The following REXO1 variants were observed in gnomAD, a reference collection of about 807,000 sequenced individuals.
REXO1 encodes the protein REX1, RNA exonuclease 1 homolog.
Under a neutral mutation model 102.6 loss-of-function variants are expected in REXO1, and 42 were observed. The ratio of observed to expected loss-of-function variants is 0.41; its 90% confidence interval spans 0.32 to 0.53. The LOEUF (loss-of-function observed/expected upper bound fraction) is 0.53. Among genes scored for constraint, REXO1 ranks in the 20% least tolerant of loss-of-function variants. The pLI is 0.27. For synonymous variants in REXO1, 908 were observed against 779.1 expected (o/e 1.17, Z -2.76); for missense variants, 1,819 against 1,732.5 (o/e 1.05, Z -0.89).
At position 1,816,335 on chromosome 19, in the gene REXO1, C is replaced by G. The variant is rs1480743707; in HGVS notation, c.3467G>C (p.Ser1156Thr). The change falls in exon 15 of 16, where the codon AGC (serine) becomes ACC (threonine). Residue 1156 changes from serine to threonine, a missense_variant. By Grantham distance (58) the Ser-to-Thr change is moderately conservative. Coordinates refer to ENST00000170168, the MANE Select transcript of REXO1 (RefSeq NM_020695.4). The stretch of plus-strand genomic sequence containing the variant: ...GAGCACAGACGTGTCCACCACGGTG[C>G]TGTGGATGACCTGTGGGCAGCGGCA... Reference protein sequence around the residue: ...SDLLALKVIHSTVVDTSVLFP... With the variant: ...SDLLALKVIHTTVVDTSVLFP... The G allele has an allele frequency of 6.3e-7, 1 of 1,591,178 alleles. No homozygotes were observed. The highest frequency in any genetic ancestry group is 1.1e-5 in the South Asian group (1 of 88,754).
rs2069413812 is a variant in REXO1, at chr19:1,817,775, C to T, written c.3022G>A (p.Gly1008Arg). 5 of 1,611,688 alleles carry T rather than the reference C, an allele frequency of 3.1e-6. No individual in the cohort carries two copies. Among genetic ancestry groups the T allele is most frequent in the South Asian group, 2.2e-5 (2 of 90,882 alleles). The change falls in exon 11 of 16, where the codon GGA (glycine) becomes AGA (arginine). Residue 1008 changes from glycine to arginine, a missense_variant. Coordinates refer to ENST00000170168, the MANE Select transcript of REXO1 (RefSeq NM_020695.4). ...CACATGTACTGGGTCTCCCAGCCTC[C>T]GGCCACTGCAGGGGACACAGACACA... The part of the protein sequence containing the change: ...WGRLRRNRVA[G>R]GWETQYMCCS...
At chr19:1,843,144 G>A (rs916672794) in intron 1 of REXO1, among the ~76,000 whole-genome samples, 4 of 152,044 alleles carry the variant, frequency 2.6e-5, no homozygotes, top group Middle Eastern at 3.4e-3. Context: ...CCCCCCGCCC[G>A]GAGGGTCCCA....
In REXO1 at chr19:1,827,687, C is replaced by T; in HGVS notation, c.1102G>A (p.Gly368Arg). ...SPAQVQSSQD[G>R]GCPKEGKPKK... Reference sequence around the variant, plus strand: ...GGTTTTCCCTCCTTGGGGCAGCCCCCATCCTGTGAGGACTGGACCTGGGCT... The same window carrying T: ...GGTTTTCCCTCCTTGGGGCAGCCCCTATCCTGTGAGGACTGGACCTGGGCT... Residue 368 changes from glycine to arginine, a missense_variant, in exon 2 of 16, where the codon GGG becomes AGG. Transcript: ENST00000170168. The T allele has an allele frequency of 6.4e-7, 1 of 1,567,250 alleles. No individual in the cohort carries two copies. The highest frequency in any genetic ancestry group is 8.5e-7 in the Non-Finnish European group (1 of 1,170,836).
At chr19:1,821,400 G>C (rs2069535175) in intron 5 of REXO1, 119 bp downstream of exon 5, 3 of 1,166,518 alleles carry the variant, frequency 2.6e-6, no homozygotes, top group Non-Finnish European at 3.8e-6. Context: ...CTGTACTGCG[G>C]TGTGGAGCAC....
rs1006517603 is a variant in REXO1 at position 1,848,439 on chromosome 19, C to T, written c.-81G>A. On this transcript the variant is annotated 5_prime_UTR_variant, in exon 1 of 16. Transcript: ENST00000170168. ...CACTGGCGCCGCGGTCGCCGCCGCC[C>T]GCGCCTCACGGACCCCGCCGCCGCC... 1.7e-4 allele frequency: 177 copies of T among 1,043,580 alleles called. No individual in the cohort carries two copies. The African/African-American group carries it at 2.3e-3, about 14-fold the overall frequency. The allele number at this position is 1,043,580 out of a possible 1,614,324, so 64.6% of individuals were successfully genotyped here. A position where few individuals can be genotyped will look rare whatever the true frequency, so the allele number is the denominator to read the frequency against.
chr19:1,817,463 T>A, intron 11 of REXO1, 134 bp from the exon 12 acceptor site: 2 of 1,484,248 alleles, frequency 1.3e-6, no homozygotes, highest in Non-Finnish European at 1.8e-6. Flanking sequence ...GGGACCCTGG[T>A]GAGCAGGTGG....
In REXO1 at chr19:1,827,038, G is replaced by A; in HGVS notation, c.1751C>T (p.Ser584Phe). 1 of 1,205,304 alleles carries A rather than the reference G, an allele frequency of 8.3e-7. No individual in the cohort carries two copies. The highest frequency in any genetic ancestry group is 1.2e-6 in the Non-Finnish European group (1 of 835,428). The allele number at this position is 1,205,304 out of a possible 1,614,324, so 74.7% of individuals were successfully genotyped here. A position where few individuals can be genotyped will look rare whatever the true frequency, so the allele number is the denominator to read the frequency against. The change falls in exon 2 of 16, where the codon TCC becomes TTC. Residue 584 changes from serine (S) to phenylalanine (F), a missense_variant. Coordinates refer to ENST00000170168, the MANE Select transcript of REXO1 (RefSeq NM_020695.4). ...PPPSPAPSSS[S>F]SSSSSTSSAG... ...GCTGGAGGTGGAGGAGGAGGAGGAGGAGGAGGAGGATGGGGCGGGGGAGGG... is the reference window on the plus strand; with the variant it reads ...GCTGGAGGTGGAGGAGGAGGAGGAGAAGGAGGAGGATGGGGCGGGGGAGGG...
At position 1,826,274 on chromosome 19, in the gene REXO1, C is replaced by T. The variant is rs971162586; in HGVS notation, c.1912-331G>A. On this transcript the variant is annotated intron_variant, in intron 2 of 15. Transcript: ENST00000170168. The surrounding 1 kb of genome is among the most constrained non-coding windows in gnomAD (Gnocchi z 4.3). ...CTGCTGCGGGCTGAGCACTTGGGCT[C>T]AGTCTGTGTGGAGTGAGCTCCCCCT... Among the ~76,000 whole-genome samples the T allele has an allele frequency of 1.3e-5, 2 of 152,062 alleles. No homozygotes were observed. The highest frequency in any genetic ancestry group is 2.9e-5 in the Non-Finnish European group (2 of 68,020).
rs528803295 is a variant in REXO1, at chr19:1,826,702, G to A, written c.1911+176C>T. Among the ~76,000 whole-genome samples, 363 of 152,150 alleles carry A rather than the reference G, an allele frequency of 2.4e-3. 2 individuals are homozygous for A. Among genetic ancestry groups the A allele is most frequent in the African/African-American group, 7.3e-3 (303 of 41,496 alleles). On this transcript the variant is annotated intron_variant, in intron 2 of 15. Transcript: ENST00000170168. This position sits in a 1 kb window ranked among gnomAD's most constrained non-coding sequence, Gnocchi z 4.3. Reference sequence around the variant, plus strand: ...GGTGAGGGGCAACAGGAGCAACAGGGCTGCCCGGGTGCTCCTGAGCTCCTG... The same window carrying A: ...GGTGAGGGGCAACAGGAGCAACAGGACTGCCCGGGTGCTCCTGAGCTCCTG...
intron 7 of REXO1, 87 bp downstream of exon 7, chr19:1,819,847 G>T: frequency 7.4e-7 from 1 of 1,344,548 alleles, no homozygotes; most frequent in Non-Finnish European, 1.0e-6. Flanking sequence ...CTGAGCTCAG[G>T]GCTGTGAAGG....
At position 1,815,884 on chromosome 19, in the gene REXO1, C is replaced by A. The variant is rs1267068181; in HGVS notation, c.*182G>T. 11 of 1,408,508 alleles carry A rather than the reference C, an allele frequency of 7.8e-6. No homozygotes were observed. Among genetic ancestry groups the A allele is most frequent in the South Asian group, 1.3e-5 (1 of 79,534 alleles). The allele number at this position is 1,408,508 out of a possible 1,614,324, so 87.3% of individuals were successfully genotyped here. A position where few individuals can be genotyped will look rare whatever the true frequency, so the allele number is the denominator to read the frequency against. ...GAGGGTGGGGACCGGCGGAGGGGTG[C>A]GGCAGGACGTGAGCGGGGGTGGGCT... is the stretch of plus-strand genomic sequence containing the variant. On this transcript the variant is annotated 3_prime_UTR_variant, in exon 16 of 16. Coordinates refer to ENST00000170168, the MANE Select transcript of REXO1 (RefSeq NM_020695.4). The surrounding 1 kb of genome is among the most constrained non-coding windows in gnomAD (Gnocchi z 4.0).
intron 1 of REXO1, among the ~76,000 whole-genome samples, chr19:1,831,865 A>G (rs1311182949): frequency 2.1e-5 from 1 of 46,846 alleles, no homozygotes; most frequent in African/African-American, 4.5e-5. Flanking sequence ...AAAAAAAAAA[A>G]AAGAAAGAAA....
rs1213306826 is a variant in REXO1, at chr19:1,827,393, G to A, written c.1396C>T (p.Arg466Ter). ...GGTGGGCCTCTGCCGGCCGCCGGTCGGGAGTCCCCGCTTGTGGGGCTCGGC... is the reference window on the plus strand; with the variant it reads ...GGTGGGCCTCTGCCGGCCGCCGGTCAGGAGTCCCCGCTTGTGGGGCTCGGC... Reference protein sequence around the residue: ...RRPSPTSGDSRPAAGRGPPRP... With the variant: ...RRPSPTSGDS The change falls in exon 2 of 16, where the codon CGA becomes TGA. Residue 466 changes from arginine (R) to a stop codon, truncating the protein, a stop_gained. Coordinates refer to ENST00000170168, the MANE Select transcript of REXO1 (RefSeq NM_020695.4). LOFTEE classifies it high-confidence loss of function. The A allele has an allele frequency of 1.3e-6, 2 of 1,541,100 alleles. No homozygotes were observed. The highest frequency in any genetic ancestry group is 1.4e-5 in the African/African-American group (1 of 72,352).
chr19:1,818,458 G>T, intron 10 of REXO1, 24 bp downstream of exon 10: 1 of 1,551,256 alleles, frequency 6.4e-7, no homozygotes, highest in East Asian at 2.4e-5. Flanking sequence ...GGTGGGAAGG[G>T]GAAGGACCCG....
intron 1 of REXO1, among the ~76,000 whole-genome samples, chr19:1,840,619 T>G (rs933776582): frequency 6.6e-6 from 1 of 151,804 alleles, no homozygotes; most frequent in Non-Finnish European, 1.5e-5. Flanking sequence ...TAATCCTGTG[T>G]TTGGAAACAC....
chr19:1,818,433 G>T, intron 10 of REXO1, 49 bp downstream of exon 10: 1 of 1,441,720 alleles, frequency 6.9e-7, no homozygotes, highest in Non-Finnish European at 9.5e-7. Context: ...GAGGGCCCAG[G>T]TTCCGGGGGC....
chr19:1,825,787 TAA>T (rs59277540), intron 3 of REXO1, 50 bp downstream of exon 3: 36,409 of 963,680 alleles, frequency 0.038, no homozygotes, highest in East Asian at 0.058. Flanking sequence ...ACCTCGTCTT[TAA>T]AAAAAAAAAA....
rs1478349519 is a variant in REXO1, at chr19:1,818,502, C to T, written c.2996G>A (p.Gly999Glu). The change falls in exon 10 of 16, where the codon GGA becomes GAA. Residue 999 changes from glycine to glutamate, a missense_variant. Transcript: ENST00000170168. Reference protein sequence around the residue: ...IRDEECYYHWGRLRRNRVAGG... With the variant: ...IRDEECYYHWERLRRNRVAGG... Reference sequence around the variant, plus strand: ...CTTACCCCGGTTCCGGCGCAGCCGTCCCCAGTGGTAATAACACTCCTCGTC... The same window carrying T: ...CTTACCCCGGTTCCGGCGCAGCCGTTCCCAGTGGTAATAACACTCCTCGTC... The T allele has an allele frequency of 6.2e-7, 1 of 1,609,240 alleles. No homozygotes were observed. Among genetic ancestry groups the T allele is most frequent in the Non-Finnish European group, 8.5e-7 (1 of 1,178,758 alleles).
Position 1,817,210 on chromosome 19 carries a change from C to T in REXO1, c.3201+9G>A. ...CCTGAACCCGACGCTGGGCAGAGAA[C>T]AGCCTCACCATCTCGCAGTCCAGGG... On this transcript the variant is annotated intron_variant, in intron 12 of 15. Coordinates refer to ENST00000170168, the MANE Select transcript of REXO1 (RefSeq NM_020695.4). The T allele has an allele frequency of 6.2e-7, 1 of 1,611,742 alleles. No homozygotes were observed. Among genetic ancestry groups the T allele is most frequent in the Non-Finnish European group, 8.5e-7 (1 of 1,179,930 alleles).
Sources: allele counts gnomAD v4.1 joint callset (sites outside exome capture counted in the v4.1 genomes callset), GRCh38; gene constraint gnomAD v4.1.1; non-coding constraint Gnocchi (gnomAD v3.1); transcripts MANE v1.5; gene names NCBI Gene and HGNC (gene_info 2026-07-23, HGNC 2026-07-21).